The following ERGIC1 variants were observed in gnomAD, a reference collection of about 807,000 sequenced individuals.
ERGIC1 encodes the protein endoplasmic reticulum-golgi intermediate compartment 1.
Under a neutral mutation model 38.3 loss-of-function variants are expected in ERGIC1, and 19 were observed. The observed-to-expected ratio is 0.50, with a 90% CI of 0.35 to 0.73. The LOEUF (loss-of-function observed/expected upper bound fraction) is 0.73, where lower values mean the gene tolerates loss of function less well. Among genes scored for constraint, ERGIC1 ranks in the 30% least tolerant of loss-of-function variants. The probability of loss-of-function intolerance (pLI) is 0.01; values close to 1 mark genes in which losing one functional copy is unlikely to be tolerated. For synonymous variants in ERGIC1, 124 were observed against 157.6 expected (o/e 0.79, Z 1.60); for missense variants, 294 against 389.2 (o/e 0.76, Z 2.06).
At chr5:172,886,362 C>T (rs1356410063) in intron 1 of ERGIC1, among the ~76,000 whole-genome samples, 1 of 152,120 alleles carries the variant, frequency 6.6e-6, no homozygotes, top group Non-Finnish European at 1.5e-5. Context: ...CCCTCCTGCT[C>T]TGTGCACACA....
At chr5:172,893,868 G>GATATAT (rs1191189327) in intron 2 of ERGIC1, among the ~76,000 whole-genome samples, 80 of 28,108 alleles carry the variant, frequency 2.8e-3, no homozygotes, top group Middle Eastern at 0.036. Flanking sequence ...CACTTAGGGG[G>GATATAT]ATATATATAT....
At chr5:172,949,547 C>T (rs752036251) in intron 9 of ERGIC1, among the ~76,000 whole-genome samples, 3 of 151,872 alleles carry the variant, frequency 2.0e-5, no homozygotes, top group Non-Finnish European at 2.9e-5. Flanking sequence ...ACAGACATAA[C>T]AGGTGACATT....
At chr5:172,882,700 C>T (rs1383743344) in intron 1 of ERGIC1, among the ~76,000 whole-genome samples, 1 of 152,156 alleles carries the variant, frequency 6.6e-6, no homozygotes, top group East Asian at 1.9e-4. Context: ...TTACTCTTTC[C>T]TTTGATTGCC....
chr5:172,877,076 G>T (rs1413127148), intron 1 of ERGIC1, among the ~76,000 whole-genome samples: 1 of 152,140 alleles, frequency 6.6e-6, no homozygotes, highest in Non-Finnish European at 1.5e-5. Context: ...TCCTCTAGAA[G>T]GTTTATAGTA....
At chr5:172,915,091 TGAG>T in intron 5 of ERGIC1, 1 of 709,078 alleles carries the variant, frequency 1.4e-6, no homozygotes, top group South Asian at 1.5e-5. Flanking sequence ...GGGACAATGA[TGAG>T]AAGACCTGAG....
At chr5:172,880,822 A>G (rs1047601362) in intron 1 of ERGIC1, among the ~76,000 whole-genome samples, 2 of 152,358 alleles carry the variant, frequency 1.3e-5, no homozygotes, top group African/African-American at 4.8e-5. Context: ...CTGCCCCAGC[A>G]GGGGATAAAC....
Position 172,834,486 on chromosome 5 carries a change from C to T in ERGIC1, c.20+53C>T. The T allele has an allele frequency of 2.4e-6, 3 of 1,274,368 alleles. No homozygotes were observed. The highest frequency in any genetic ancestry group is 9.9e-7 in the Non-Finnish European group (1 of 1,007,480). The allele number at this position is 1,274,368 out of a possible 1,614,324, so 78.9% of individuals were successfully genotyped here. A position where few individuals can be genotyped will look rare whatever the true frequency, so the allele number is the denominator to read the frequency against. ...GAGTTCCCTCAGCGGGCAGAGGGAG[C>T]GCCCCGGCACGCCGCGGACCCCTCC... is the stretch of plus-strand genomic sequence containing the variant. On this transcript the variant is annotated intron_variant, in intron 1 of 9. Coordinates refer to ENST00000393784, the MANE Select transcript of ERGIC1 (RefSeq NM_001031711.3). This position sits in a 1 kb window ranked among gnomAD's most constrained non-coding sequence, Gnocchi z 4.1.
At chr5:172,915,123 C>G (rs1487098488) in intron 5 of ERGIC1, 5 of 690,808 alleles carry the variant, frequency 7.2e-6, no homozygotes, top group South Asian at 6.1e-5. Context: ...GCCCCCAGCC[C>G]TGGGTTCAAG....
chr5:172,925,353 C>T (rs1250567933), intron 6 of ERGIC1, among the ~76,000 whole-genome samples: 1 of 152,230 alleles, frequency 6.6e-6, no homozygotes, highest in Non-Finnish European at 1.5e-5. Flanking sequence ...CCACCGTTCT[C>T]ATGGGTTAGA....
intron 8 of ERGIC1, chr5:172,933,192 C>G (rs1232097269): frequency 1.3e-5 from 2 of 152,316 alleles, no homozygotes; most frequent in Non-Finnish European, 2.9e-5. Context: ...CCTGCTAGAC[C>G]CTGGCGGATG....
chr5:172,846,259 T>C lies in ERGIC1; in HGVS notation c.20+11826T>C, dbSNP rs992384282. On this transcript the variant is annotated intron_variant, in intron 1 of 9. Transcript: ENST00000393784. This position sits in a 1 kb window ranked among gnomAD's most constrained non-coding sequence, Gnocchi z 4.0. ...CCCTCCTGGAGGGAAGTGGACTGAC[T>C]CCCAGCATCTAGAATCCCTTGTGTG... Among the ~76,000 whole-genome samples, 1 of 152,174 alleles carries C rather than the reference T, an allele frequency of 6.6e-6. No individual in the cohort carries two copies. Among genetic ancestry groups the C allele is most frequent in the African/African-American group, 2.4e-5 (1 of 41,434 alleles).
At chr5:172,911,383 C>CA (rs1763205219) in intron 4 of ERGIC1, among the ~76,000 whole-genome samples, 2 of 152,214 alleles carry the variant, frequency 1.3e-5, no homozygotes, top group South Asian at 4.1e-4. Flanking sequence ...AATTCTTAGT[C>CA]AGACCAGAGG....
At chr5:172,950,362 T>G (rs1361912545) in intron 9 of ERGIC1, among the ~76,000 whole-genome samples, 1 of 152,214 alleles carries the variant, frequency 6.6e-6, no homozygotes, top group Non-Finnish European at 1.5e-5. Flanking sequence ...TCAAGTTGCA[T>G]CTCTGCTAGT....
Position 172,940,691 on chromosome 5 carries a change from G to A in ERGIC1, c.765+5381G>A, listed in dbSNP as rs889226681. ...CTACTCAAAACCTGTCATTCTTGGA[G>A]AGTTGCGCAGCTCCCTTAACTCAAG... On this transcript the variant is annotated intron_variant, in intron 9 of 9. Coordinates refer to ENST00000393784, the MANE Select transcript of ERGIC1 (RefSeq NM_001031711.3). Among the ~76,000 whole-genome samples, 3 of 152,182 alleles carry A rather than the reference G, an allele frequency of 2.0e-5. No homozygotes were observed. The South Asian group carries it at 6.2e-4, about 31-fold the overall frequency.
intron 1 of ERGIC1, among the ~76,000 whole-genome samples, chr5:172,850,262 A>C (rs1761369779): frequency 6.6e-6 from 1 of 152,182 alleles, no homozygotes; most frequent in Non-Finnish European, 1.5e-5. Context: ...CCTGAGTCAA[A>C]GGAGGGCATG....
rs1160917607 is a variant in ERGIC1 at position 172,951,658 on chromosome 5, T to A, written c.*842T>A. ...AAGATCTCCCACCACTCTGCTGGGA[T>A]CTGCAGTGGCAGGGAGTGGGGGTTG... On this transcript the variant is annotated 3_prime_UTR_variant, in exon 10 of 10. Transcript: ENST00000393784. 1 of 152,356 alleles carries A rather than the reference T, an allele frequency of 6.6e-6. No homozygotes were observed. The highest frequency in any genetic ancestry group is 2.4e-5 in the African/African-American group (1 of 41,460). The allele number at this position is 152,356 out of a possible 1,614,324, so 9.4% of individuals were successfully genotyped here. A position where few individuals can be genotyped will look rare whatever the true frequency, so the allele number is the denominator to read the frequency against.
At position 172,950,861 on chromosome 5, in the gene ERGIC1, C is replaced by T. The variant is rs767033727; in HGVS notation, c.*45C>T. 2.6e-6 allele frequency: 4 copies of T among 1,545,622 alleles called. No homozygotes were observed. The highest frequency in any genetic ancestry group is 1.9e-4 in the Middle Eastern group (1 of 5,388). On this transcript the variant is annotated 3_prime_UTR_variant, in exon 10 of 10. Transcript: ENST00000393784. ...GCCGAGGACCCTGGGCATCGCCAGC[C>T]TTGCCTCCAGTGCCCTGTCTCCTTT...
intron 2 of ERGIC1, among the ~76,000 whole-genome samples, chr5:172,893,935 G>GTGTGTGTGTGTGTGTGTGTGTATATATA (rs1429850022): frequency 1.2e-4 from 5 of 42,826 alleles, no homozygotes; most frequent in Non-Finnish European, 1.4e-4. Context: ...GTGTGTGTGT[G>GTGTGTGTGTGTGTGTGTGTGTATATATA]TATATATATA....
intron 1 of ERGIC1, among the ~76,000 whole-genome samples, chr5:172,847,312 C>T (rs1761303267): frequency 6.6e-6 from 1 of 152,098 alleles, no homozygotes; most frequent in Admixed American, 6.5e-5. Flanking sequence ...GACCTGGTCA[C>T]ACCTAACTGC....
Sources: allele counts gnomAD v4.1 joint callset (sites outside exome capture counted in the v4.1 genomes callset), GRCh38; gene constraint gnomAD v4.1.1; non-coding constraint Gnocchi (gnomAD v3.1); transcripts MANE v1.5; gene names NCBI Gene and HGNC (gene_info 2026-07-23, HGNC 2026-07-21).